Variants in CA5A observed in about 807,000 individuals in gnomAD.
The protein encoded by CA5A is carbonic anhydrase 5A, mitochondrial.
CA5A carries 28 observed loss-of-function variants against 37.1 expected under a neutral mutation model. The observed-to-expected ratio is 0.75, with a 90% confidence interval of 0.56 to 1.03. The LOEUF (loss-of-function observed/expected upper bound fraction) is 1.03, where lower values mean the gene tolerates loss of function less well. Among genes scored for constraint, CA5A ranks in the 50% least tolerant of loss-of-function variants. The pLI is 0.00. For synonymous variants in CA5A, 171 were observed against 158.4 expected, an observed-to-expected ratio of 1.08 and a Z score of -0.60; for missense variants, 444 against 399.9, an observed-to-expected ratio of 1.11 and a Z score of -0.94.
chr16:87,930,715 G>A (rs1488807122), intron 1 of CA5A, among the ~76,000 whole-genome samples: 1 of 150,394 alleles, frequency 6.6e-6, no homozygotes, highest in Non-Finnish European at 1.5e-5. Context: ...GGAGCCCTCT[G>A]CTGCCAGATC....
intron 2 of CA5A, among the ~76,000 whole-genome samples, chr16:87,919,180 C>T (rs2056196258): frequency 6.6e-6 from 1 of 152,200 alleles, no homozygotes; most frequent in Non-Finnish European, 1.5e-5. Context: ...ACAGAGACAG[C>T]AGCAGTGGCC....
intron 1 of CA5A, 97 bp downstream of exon 1, chr16:87,936,212 T>A: frequency 7.4e-5 from 46 of 624,354 alleles, no homozygotes; most frequent in Non-Finnish European, 1.2e-4. Context: ...TCTGAACCCA[T>A]CTGGCTCGGG....
intron 4 of CA5A, chr16:87,882,782 C>G (rs528017806): frequency 6.6e-6 from 1 of 152,570 alleles, no homozygotes; most frequent in African/African-American, 2.4e-5. Flanking sequence ...TAGAGCAGAA[C>G]AGAAACGTGC....
Position 87,891,862 on chromosome 16 carries a change from C to A in CA5A, c.711G>T (p.Pro237=). The change falls in exon 6 of 7, where the codon CCG becomes CCT. Residue 237 remains proline, a synonymous_variant. Coordinates refer to ENST00000649794, the MANE Select transcript of CA5A (RefSeq NM_001739.2). ...TCCAGGTGACCGACTCGGTCAGCGG[C>A]GGGGTGGTGAGCGAGCCCGCGTAGG... ...YWTYAGSLTT[P]PLTESVTWII... The A allele has an allele frequency of 6.3e-7, 1 of 1,579,350 alleles. No individual in the cohort carries two copies. The highest frequency in any genetic ancestry group is 2.4e-5 in the East Asian group (1 of 41,718).
chr16:87,929,278 C>A (rs1475082867), intron 1 of CA5A, among the ~76,000 whole-genome samples: 3 of 149,928 alleles, frequency 2.0e-5, no homozygotes, highest in Non-Finnish European at 4.4e-5. Context: ...ATGGTAAAAC[C>A]CTGTCTCTAC....
intron 1 of CA5A, among the ~76,000 whole-genome samples, chr16:87,932,705 C>T (rs1031689185): frequency 6.6e-6 from 1 of 151,968 alleles, no homozygotes; most frequent in Non-Finnish European, 1.5e-5. Context: ...GCCAAGTCCC[C>T]TGCCCCAGGA....
At position 87,890,267 on chromosome 16, in the gene CA5A, C is replaced by T. The variant is rs184064376; in HGVS notation, c.774+1532G>A. On this transcript the variant is annotated intron_variant, in intron 6 of 6. Transcript: ENST00000649794. ...TCCACACCTGCCCCCCTCCCACCCT[C>T]TCTTGGTGGCACAGACCCAGAATGG... is the stretch of plus-strand genomic sequence containing the variant. 3.5e-3 allele frequency among the ~76,000 whole-genome samples: 528 copies of T among 152,316 alleles called. 6 individuals carry two copies. Among genetic ancestry groups the T allele is most frequent in the African/African-American group, 0.012 (497 of 41,560 alleles).
chr16:87,922,406 G>A (rs1462641578), intron 2 of CA5A, among the ~76,000 whole-genome samples: 1 of 152,186 alleles, frequency 6.6e-6, no homozygotes, highest in Non-Finnish European at 1.5e-5. Context: ...ATCTGCAATT[G>A]TCTTGTTTTC....
In CA5A at chr16:87,893,551, C is replaced by T. The variant is rs1383249390; in HGVS notation, c.619-1597G>A. The T allele has an allele frequency of 1.5e-4, 88 of 596,932 alleles. 1 individual carries two copies. Among genetic ancestry groups the T allele is most frequent in the Non-Finnish European group, 2.5e-4 (79 of 320,468 alleles). 37.0% of individuals were successfully genotyped at this position (596,932 alleles called of 1,614,324 possible). On this transcript the variant is annotated intron_variant, in intron 5 of 6. Coordinates refer to ENST00000649794, the MANE Select transcript of CA5A (RefSeq NM_001739.2). Reference sequence around the variant, plus strand: ...CTGCAGCCGTCCAGGGACTGGCAGGCCTCGGCCTAAAGGTCTGGAGGGTGG... The same window carrying T: ...CTGCAGCCGTCCAGGGACTGGCAGGTCTCGGCCTAAAGGTCTGGAGGGTGG...
At chr16:87,900,562 C>A (rs117974828) in intron 5 of CA5A, among the ~76,000 whole-genome samples, 3,020 of 152,336 alleles carry the variant, frequency 0.02, 32 homozygotes, top group Non-Finnish European at 0.03. Context: ...CTTTTGTATG[C>A]TGCTGAATAA....
chr16:87,908,279 G>A (rs762213926), intron 2 of CA5A, among the ~76,000 whole-genome samples: 18 of 152,218 alleles, frequency 1.2e-4, no homozygotes, highest in African/African-American at 4.1e-4. Context: ...TAGCCTCTCT[G>A]AGCCTAAGCC....
intron 2 of CA5A, among the ~76,000 whole-genome samples, chr16:87,924,921 C>G (rs1233351500): frequency 2.0e-5 from 3 of 152,246 alleles, no homozygotes; most frequent in African/African-American, 4.8e-5. Context: ...TCCCTGCAGC[C>G]TTTGCAGTGG....
At chr16:87,885,190 A>AC (rs1555518838), downstream of CA5A, 4 of 169,866 alleles carry the variant, frequency 2.4e-5, no homozygotes, top group East Asian at 1.7e-4. Context: ...AAACAAAACA[A>AC]AACAACAACA....
At chr16:87,920,886 C>T (rs530232057) in intron 2 of CA5A, among the ~76,000 whole-genome samples, 1 of 152,258 alleles carries the variant, frequency 6.6e-6, no homozygotes, top group Admixed American at 6.5e-5. Context: ...CTCCACCTAC[C>T]AGGTTCAAGC....
chr16:87,923,099 C>CTGAGCCTTCATTTGTTCT (rs1363182426), intron 2 of CA5A, among the ~76,000 whole-genome samples: 1 of 152,280 alleles, frequency 6.6e-6, no homozygotes, highest in Non-Finnish European at 1.5e-5. Context: ...CGCCCCTTCT[C>CTGAGCCTTCATTTGTTCT]TGAGCCTTCA....
chr16:87,902,482 A>C lies in CA5A; in HGVS notation c.498T>G (p.Asn166Lys), dbSNP rs1358074702. Residue 166 changes from asparagine (N) to lysine (K), a missense_variant, in exon 4 of 7, where the codon AAT becomes AAG. Asn to Lys is a moderately conservative substitution (Grantham distance 94, BLOSUM62 0). Coordinates refer to ENST00000649794, the MANE Select transcript of CA5A (RefSeq NM_001739.2). ...LVHWNSVKYQ[N>K]YKEAVVGENG... ...TCTCTCCCACGACAGCTTCCTTGTAATTTTGGTATTTCACAGAATTCCAGT... is the reference window on the plus strand; with the variant it reads ...TCTCTCCCACGACAGCTTCCTTGTACTTTTGGTATTTCACAGAATTCCAGT... 1 of 1,611,696 alleles carries C rather than the reference A, an allele frequency of 6.2e-7. No homozygotes were observed. The highest frequency in any genetic ancestry group is 1.7e-5 in the Admixed American group (1 of 60,000).
At chr16:87,900,643 G>C (rs945427840) in intron 5 of CA5A, among the ~76,000 whole-genome samples, 1 of 152,202 alleles carries the variant, frequency 6.6e-6, no homozygotes, top group African/African-American at 2.4e-5. Context: ...GGAGAAAGGC[G>C]ACACTGTTGT....
chr16:87,912,492 T>C (rs1178672590), intron 2 of CA5A, among the ~76,000 whole-genome samples: 1 of 152,164 alleles, frequency 6.6e-6, no homozygotes, highest in Non-Finnish European at 1.5e-5. Context: ...TTGCCAACCA[T>C]GCAAGCATAA....
At chr16:87,882,322 ACTTTCTCTCTTTGCTGCG>A (rs1205380697) in intron 4 of CA5A, 1 of 102,510 alleles carries the variant, frequency 9.8e-6, no homozygotes, top group African/African-American at 3.3e-5. Flanking sequence ...AAGGTTCAGG[ACTTTCTCTCTTTGCTGCG>A]CTTTTTCCTT....
Sources: allele counts gnomAD v4.1 joint callset (sites outside exome capture counted in the v4.1 genomes callset), GRCh38; gene constraint gnomAD v4.1.1; transcripts MANE v1.5; gene names NCBI Gene and HGNC (gene_info 2026-07-23, HGNC 2026-07-21).